RBMS3: variants seen among roughly 807,000 people sequenced by gnomAD.
RBMS3 encodes the protein RNA binding motif single stranded interacting protein 3.
In RBMS3, 27 loss-of-function variants were observed where a neutral mutation model predicts 66.8. The ratio of observed to expected loss-of-function variants is 0.40; its 90% CI spans 0.30 to 0.56. RBMS3 has a LOEUF of 0.56. Among genes scored for constraint, RBMS3 ranks in the 20% least tolerant of loss-of-function variants. The pLI is 0.40. For synonymous variants in RBMS3, 188 were observed against 183.0 expected, an observed-to-expected ratio of 1.03 and a Z score of -0.22; for missense variants, 513 against 549.5, an observed-to-expected ratio of 0.93 and a Z score of 0.66.
At chr3:29,509,002 T>A (rs2044291096) in intron 3 of RBMS3, among the ~76,000 whole-genome samples, 1 of 152,038 alleles carries the variant, frequency 6.6e-6, no homozygotes. Context: ...TGTCTTCTTT[T>A]AAGAAGTGTC....
intron 4 of RBMS3, among the ~76,000 whole-genome samples, chr3:29,640,280 ACACACC>A (rs200290351): frequency 0.041 from 6,259 of 151,156 alleles, 333 homozygotes; most frequent in East Asian, 0.28. Context: ...ACACACACAC[ACACACC>A]CACACACACA....
chr3:29,610,376 C>T (rs977115397), intron 4 of RBMS3, among the ~76,000 whole-genome samples: 8 of 152,024 alleles, frequency 5.3e-5, no homozygotes, highest in Non-Finnish European at 1.2e-4. Context: ...GACTGACTCT[C>T]ACCACCCTCT....
At chr3:29,691,014 A>G (rs904638608) in intron 4 of RBMS3, among the ~76,000 whole-genome samples, 9 of 152,230 alleles carry the variant, frequency 5.9e-5, no homozygotes, top group African/African-American at 2.2e-4. Flanking sequence ...CAAGGTTTAT[A>G]CATGTTTGGA....
intron 10 of RBMS3, among the ~76,000 whole-genome samples, chr3:29,912,408 A>G (rs900041494): frequency 6.6e-6 from 1 of 152,078 alleles, no homozygotes; most frequent in African/African-American, 2.4e-5. Context: ...AATGATGCTA[A>G]TATTAAATTT....
At chr3:29,475,310 G>A (rs7627255) in intron 2 of RBMS3, among the ~76,000 whole-genome samples, 14,374 of 150,492 alleles carry the variant, frequency 0.096, 1,040 homozygotes, top group East Asian at 0.25. Flanking sequence ...GTGCAATGGC[G>A]TGATCTTGTC....
At chr3:29,771,942 C>T (rs1292938985) in intron 6 of RBMS3, among the ~76,000 whole-genome samples, 2 of 152,122 alleles carry the variant, frequency 1.3e-5, no homozygotes, top group African/African-American at 2.4e-5. Flanking sequence ...TCCTCCAACA[C>T]TGAGGATTAC....
In RBMS3 at chr3:29,856,929, A is replaced by G. The variant is rs971108603; in HGVS notation, c.638-11929A>G. On this transcript the variant is annotated intron_variant, in intron 6 of 14. Coordinates refer to ENST00000383767, the MANE Select transcript of RBMS3 (RefSeq NM_001003793.3). ...TTAAATTTATATTGTATTGATTAGT[A>G]TGTGATTCAACTTACATGACAGCAC... is the stretch of plus-strand genomic sequence containing the variant. Among the ~76,000 whole-genome samples the G allele has an allele frequency of 3.3e-5, 5 of 152,288 alleles. No individual in the cohort carries two copies. The South Asian group carries it at 1.0e-3, about 32-fold the overall frequency.
intron 4 of RBMS3, among the ~76,000 whole-genome samples, chr3:29,651,903 A>G (rs1008171940): frequency 1.4e-5 from 2 of 145,044 alleles, no homozygotes; most frequent in African/African-American, 5.2e-5. Flanking sequence ...AATTTCACTT[A>G]CCATACTTAT....
At chr3:29,562,186 C>T (rs1012953168) in intron 3 of RBMS3, among the ~76,000 whole-genome samples, 1 of 152,016 alleles carries the variant, frequency 6.6e-6, no homozygotes, top group Admixed American at 6.6e-5. Context: ...CAGACATATC[C>T]CAGGCAAGCA....
chr3:29,934,930 G>A (rs1418915684), intron 10 of RBMS3, among the ~76,000 whole-genome samples: 2 of 152,016 alleles, frequency 1.3e-5, no homozygotes, highest in African/African-American at 4.8e-5. Context: ...ACGCGCAGTG[G>A]GTAATTAGTT....
At chr3:30,001,484 A>G (rs1042154054) in intron 14 of RBMS3, among the ~76,000 whole-genome samples, 5 of 152,002 alleles carry the variant, frequency 3.3e-5, no homozygotes, top group African/African-American at 7.2e-5. Flanking sequence ...CTACTCTACC[A>G]TATTTACTCT....
chr3:29,569,402 T>G (rs1450116062), intron 3 of RBMS3, among the ~76,000 whole-genome samples: 1 of 152,104 alleles, frequency 6.6e-6, no homozygotes, highest in East Asian at 1.9e-4. Context: ...TACATCAAAA[T>G]GTTCTTGGAG....
chr3:29,944,499 T>A (rs1291736236), intron 12 of RBMS3, among the ~76,000 whole-genome samples: 1 of 151,746 alleles, frequency 6.6e-6, no homozygotes, highest in Non-Finnish European at 1.5e-5. Flanking sequence ...CCATTTTATC[T>A]GTCAAGGATA....
chr3:29,725,439 G>C (rs1029289978), intron 4 of RBMS3, among the ~76,000 whole-genome samples: 2 of 151,924 alleles, frequency 1.3e-5, no homozygotes, highest in Non-Finnish European at 2.9e-5. Flanking sequence ...CTGGTTTTTT[G>C]AAAAGATTAA....
intron 3 of RBMS3, among the ~76,000 whole-genome samples, chr3:29,541,433 C>CT (rs66639705): frequency 0.27 from 40,465 of 151,870 alleles, 7,646 homozygotes; most frequent in African/African-American, 0.52. Flanking sequence ...TTCTTTCATT[C>CT]TTTTTTTCAT....
chr3:29,285,960 A>C (rs1303965983), intron 1 of RBMS3, among the ~76,000 whole-genome samples: 4 of 152,202 alleles, frequency 2.6e-5, no homozygotes, highest in African/African-American at 9.6e-5. Context: ...GAATGAGTTT[A>C]GAATTTCCTT....
intron 4 of RBMS3, among the ~76,000 whole-genome samples, chr3:29,599,830 G>A (rs1233545120): frequency 2.6e-5 from 4 of 152,036 alleles, no homozygotes; most frequent in Non-Finnish European, 4.4e-5. Context: ...ACTTCTGCGT[G>A]AAGCACAGAA....
chr3:29,434,121 G>A (rs944358659), intron 1 of RBMS3, among the ~76,000 whole-genome samples: 3 of 152,188 alleles, frequency 2.0e-5, no homozygotes, highest in Non-Finnish European at 4.4e-5. Flanking sequence ...TGAAGGTAAG[G>A]AAAGAATGGT....
chr3:29,870,048 C>G (rs1276135848), intron 7 of RBMS3, among the ~76,000 whole-genome samples: 1 of 152,054 alleles, frequency 6.6e-6, no homozygotes, highest in Non-Finnish European at 1.5e-5. Flanking sequence ...TAGTTATGTT[C>G]AAGTACTATA....
Sources: allele counts gnomAD v4.1 joint callset (sites outside exome capture counted in the v4.1 genomes callset), GRCh38; gene constraint gnomAD v4.1.1; transcripts MANE v1.5; gene names NCBI Gene and HGNC (gene_info 2026-07-23, HGNC 2026-07-21).